Variants in TFCP2L1 observed in about 807,000 individuals in gnomAD.
The protein encoded by TFCP2L1 is transcription factor CP2-like protein 1.
A neutral mutation model predicts 72.2 loss-of-function variants in TFCP2L1; 12 were observed. The observed-to-expected ratio is 0.17, with a 90% confidence interval of 0.11 to 0.27. The LOEUF (loss-of-function observed/expected upper bound fraction) is 0.27. Among genes scored for constraint, TFCP2L1 ranks in the 10% least tolerant of loss-of-function variants. The pLI, the probability that TFCP2L1 is intolerant of heterozygous loss-of-function variation, is 1.00. For missense variants in TFCP2L1, 488 were observed against 624.6 expected, an observed-to-expected ratio of 0.78 and a Z score of 2.33; for synonymous variants, 260 against 251.0, an observed-to-expected ratio of 1.04 and a Z score of -0.34.
intron 2 of TFCP2L1, among the ~76,000 whole-genome samples, chr2:121,258,725 C>T (rs547427168): frequency 5.9e-5 from 9 of 152,252 alleles, no homozygotes; most frequent in South Asian, 2.1e-4. Flanking sequence ...CAGATTCAAG[C>T]GGGGTCAGGA....
At chr2:121,266,528 G>C (rs1164843267) in intron 2 of TFCP2L1, among the ~76,000 whole-genome samples, 1 of 152,230 alleles carries the variant, frequency 6.6e-6, no homozygotes, top group African/African-American at 2.4e-5. Flanking sequence ...GCTTGGTTTA[G>C]AGGCAGACAA....
rs780354823 is a variant in TFCP2L1, at chr2:121,281,206, C to A, written c.128G>T (p.Arg43Leu). ...EPQLSPENEA[R>L]LPPLQYVLCA... ...CAACACATATTGCAGGGGTGGCAGGCGGGCCTCGTTCTCGGGGGACAGCTG... is the reference window on the plus strand; with the variant it reads ...CAACACATATTGCAGGGGTGGCAGGAGGGCCTCGTTCTCGGGGGACAGCTG... The change falls in exon 2 of 15, where the codon CGC becomes CTC. Residue 43 changes from arginine (R) to leucine (L), a missense_variant. Around this residue, in one of 3 missense-constraint regions of TFCP2L1, gnomAD observed 73 missense variants for 59.7 expected, o/e 1.22. Coordinates refer to ENST00000263707, the MANE Select transcript of TFCP2L1 (RefSeq NM_014553.3). 2.5e-6 allele frequency: 4 copies of A among 1,612,620 alleles called. No individual in the cohort carries two copies. The highest frequency in any genetic ancestry group is 3.4e-6 in the Non-Finnish European group (4 of 1,179,752).
At chr2:121,275,593 C>T (rs1318256127) in intron 2 of TFCP2L1, among the ~76,000 whole-genome samples, 1 of 117,024 alleles carries the variant, frequency 8.5e-6, no homozygotes, top group Non-Finnish European at 1.7e-5. Flanking sequence ...TTTTTTGAGA[C>T]AGGGTCTCGT....
chr2:121,237,734 A>G lies in TFCP2L1; in HGVS notation c.910-18T>C. The G allele has an allele frequency of 6.2e-7, 1 of 1,614,080 alleles. No individual in the cohort carries two copies. The highest frequency in any genetic ancestry group is 8.5e-7 in the Non-Finnish European group (1 of 1,180,022). Reference sequence around the variant, plus strand: ...AGCAGGTGCTGTGAGCAGAGGGGAGAGGCCTTGAGATGGTGGCTCAGGGCC... The same window carrying G: ...AGCAGGTGCTGTGAGCAGAGGGGAGGGGCCTTGAGATGGTGGCTCAGGGCC... On this transcript the variant is annotated intron_variant, in intron 9 of 14. Coordinates refer to ENST00000263707, the MANE Select transcript of TFCP2L1 (RefSeq NM_014553.3).
rs868238990 is a variant in TFCP2L1 at position 121,222,559 on chromosome 2, T to G, written c.*1782A>C. On this transcript the variant is annotated 3_prime_UTR_variant, in exon 15 of 15. Coordinates refer to ENST00000263707, the MANE Select transcript of TFCP2L1 (RefSeq NM_014553.3). ...AGCCAGTCACAAAAGAGATATCACA[T>G]GATTCCAGATATATGAAATGTCCAG... The G allele has an allele frequency of 6.6e-6, 1 of 152,322 alleles. No individual in the cohort carries two copies. 9.4% of individuals were successfully genotyped at this position (152,322 alleles called of 1,614,324 possible). A position where few individuals can be genotyped will look rare whatever the true frequency, so the allele number is the denominator to read the frequency against.
At chr2:121,270,880 T>C (rs1200405553) in intron 2 of TFCP2L1, among the ~76,000 whole-genome samples, 1 of 147,722 alleles carries the variant, frequency 6.8e-6, no homozygotes, top group African/African-American at 2.5e-5. Context: ...AAACACACTT[T>C]TTTTTTTTTT....
At chr2:121,256,188 C>A (rs1473463550) in intron 2 of TFCP2L1, among the ~76,000 whole-genome samples, 1 of 152,204 alleles carries the variant, frequency 6.6e-6, no homozygotes, top group Non-Finnish European at 1.5e-5. Context: ...GAATGTGTAA[C>A]CATGCCGTGG....
At chr2:121,284,897 G>T in intron 1 of TFCP2L1, 151 bp downstream of exon 1, 1 of 652,110 alleles carries the variant, frequency 1.5e-6, no homozygotes, top group Non-Finnish European at 2.2e-6. Flanking sequence ...GTCCCTAGGC[G>T]GGACGCTGGG....
rs763788717 is a variant in TFCP2L1, at chr2:121,225,548, G to A, written c.1393+14C>T. 1.2e-6 allele frequency: 2 copies of A among 1,613,660 alleles called. No homozygotes were observed. Among genetic ancestry groups the A allele is most frequent in the South Asian group, 1.1e-5 (1 of 91,076 alleles). On this transcript the variant is annotated intron_variant, in intron 14 of 14. Transcript: ENST00000263707. ...TGCCCCCACAACTACCCTAGGGGGA[G>A]GGGGAGGCTTCACCTTTAATTGTGC...
In TFCP2L1 at chr2:121,231,836, A is replaced by G; in HGVS notation, c.1331T>C (p.Val444Ala). ...RQGPTGIHVV[V>A]SNEMVQNFQD... ...GGCAGCAGCCCTCACCTCGTTGCTC[A>G]CCACCACATGGATGCCCGTGGGGCC... The change falls in exon 13 of 15, where the codon GTG (valine) becomes GCG (alanine). Residue 444 changes from valine to alanine, a missense_variant. Physicochemically the swap from Val to Ala is moderately conservative, Grantham distance 64. Coordinates refer to ENST00000263707, the MANE Select transcript of TFCP2L1 (RefSeq NM_014553.3). 3.1e-6 allele frequency: 5 copies of G among 1,612,726 alleles called. No homozygotes were observed. Among genetic ancestry groups the G allele is most frequent in the Non-Finnish European group, 4.2e-6 (5 of 1,179,388 alleles).
chr2:121,230,537 T>G (rs918215380), intron 13 of TFCP2L1, among the ~76,000 whole-genome samples: 6 of 152,044 alleles, frequency 3.9e-5, no homozygotes, highest in African/African-American at 1.4e-4. Context: ...TCCCAGCACT[T>G]TGGAAGGCCA....
chr2:121,259,019 A>G (rs1438130324), intron 2 of TFCP2L1, among the ~76,000 whole-genome samples: 4 of 152,166 alleles, frequency 2.6e-5, no homozygotes, highest in Non-Finnish European at 5.9e-5. Context: ...AGGCCAAGGC[A>G]GGTGGATCAC....
At chr2:121,224,462 G>A (rs1052198138) in intron 14 of TFCP2L1, 75 bp from the exon 15 acceptor site, 3 of 1,506,744 alleles carry the variant, frequency 2.0e-6, no homozygotes, top group African/African-American at 2.7e-5. Context: ...GTCCCAAAAG[G>A]CACGCTGTTA....
rs557733092 is a variant in TFCP2L1 at position 121,253,931 on chromosome 2, C to A, written c.215-4284G>T. Among the ~76,000 whole-genome samples, 4 of 152,296 alleles carry A rather than the reference C, an allele frequency of 2.6e-5. No homozygotes were observed. The South Asian group carries it at 8.3e-4, about 32-fold the overall frequency. ...CCAAGGTGACCTCCCACCCAACTCA[C>A]ACAGCAGCACAACAGCACCATCCCA... On this transcript the variant is annotated intron_variant, in intron 2 of 14. Coordinates refer to ENST00000263707, the MANE Select transcript of TFCP2L1 (RefSeq NM_014553.3).
At chr2:121,226,023 CCA>C (rs1686025517) in intron 13 of TFCP2L1, among the ~76,000 whole-genome samples, 1 of 139,034 alleles carries the variant, frequency 7.2e-6, no homozygotes, top group African/African-American at 2.8e-5. Context: ...GCCACGGTGT[CCA>C]TACACACGGG....
intron 2 of TFCP2L1, among the ~76,000 whole-genome samples, chr2:121,277,160 C>T (rs1365068541): frequency 6.6e-6 from 1 of 151,910 alleles, no homozygotes; most frequent in East Asian, 1.9e-4. Context: ...TTAAAAAGAT[C>T]AATAAATGTA....
At chr2:121,282,890 C>T (rs1333983289) in intron 1 of TFCP2L1, among the ~76,000 whole-genome samples, 1 of 152,176 alleles carries the variant, frequency 6.6e-6, no homozygotes, top group Non-Finnish European at 1.5e-5. Flanking sequence ...GCATTGAGCA[C>T]ACACCTGGAA....
chr2:121,277,636 G>A (rs919085708), intron 2 of TFCP2L1, among the ~76,000 whole-genome samples: 1 of 152,102 alleles, frequency 6.6e-6, no homozygotes, highest in Non-Finnish European at 1.5e-5. Context: ...ATTTCTAACT[G>A]GAAACTAAGT....
At chr2:121,249,760 G>A in intron 2 of TFCP2L1, 113 bp from the exon 3 acceptor site, 1 of 1,059,832 alleles carries the variant, frequency 9.4e-7, no homozygotes, top group Non-Finnish European at 1.4e-6. Flanking sequence ...TCAAGGCCCT[G>A]GGGAGCAAAG....
Sources: allele counts gnomAD v4.1 joint callset (sites outside exome capture counted in the v4.1 genomes callset), GRCh38; gene constraint gnomAD v4.1.1; regional missense constraint gnomAD v4.1.1; transcripts MANE v1.5; gene names NCBI Gene and HGNC (gene_info 2026-07-23, HGNC 2026-07-21).